CNTN6: variants seen among roughly 807,000 people sequenced by gnomAD.
CNTN6 encodes contactin-6.
Under a neutral mutation model 122.8 loss-of-function variants are expected in CNTN6, and 137 were observed. The observed-to-expected ratio is 1.12, with a 90% CI of 0.97 to 1.29. The LOEUF (loss-of-function observed/expected upper bound fraction) is 1.29. Ranked by LOEUF, CNTN6 falls within the 50% of genes most tolerant of loss-of-function variation. The probability of loss-of-function intolerance (pLI) is 0.00; values close to 1 mark genes in which losing one functional copy is unlikely to be tolerated. For missense variants in CNTN6, 1,634 were observed against 1,223.4 expected, an observed-to-expected ratio of 1.34 and a Z score of -5.01; for synonymous variants, 570 against 426.0, an observed-to-expected ratio of 1.34 and a Z score of -4.16.
intron 2 of CNTN6, among the ~76,000 whole-genome samples, chr3:1,219,268 T>G (rs1263713875): frequency 2.0e-5 from 3 of 152,130 alleles, no homozygotes; most frequent in African/African-American, 7.2e-5. Context: ...TCAAGAGCAA[T>G]GGGACAGATA....
chr3:1,204,170 G>A (rs2093925196), intron 2 of CNTN6, among the ~76,000 whole-genome samples: 1 of 152,088 alleles, frequency 6.6e-6, no homozygotes, highest in Non-Finnish European at 1.5e-5. Context: ...TATAGAGAGA[G>A]CCAATGACAT....
chr3:1,385,542 T>C (rs1692748585), intron 19 of CNTN6, 69 bp from the exon 20 acceptor site: 3 of 1,268,438 alleles, frequency 2.4e-6, no homozygotes, highest in South Asian at 2.9e-5. Context: ...TGGTTGATAG[T>C]TGTTGGTAAA....
In CNTN6 at chr3:1,402,053, C is replaced by T. The variant is rs116336238; in HGVS notation, c.2818-265C>T. Among the ~76,000 whole-genome samples the T allele has an allele frequency of 6.6e-3, 1,002 of 151,916 alleles. 10 individuals carry two copies. The highest frequency in any genetic ancestry group is 0.023 in the African/African-American group (955 of 41,442). The stretch of plus-strand genomic sequence containing the variant: ...CAAACTCAACAGTGACTTTCCACAG[C>T]AAGCTCCAATGATAATAGCCTCAAG... On this transcript the variant is annotated intron_variant, in intron 21 of 22. Coordinates refer to ENST00000446702, the MANE Select transcript of CNTN6 (RefSeq NM_001289080.2).
chr3:1,377,188 G>A (rs1476289042), intron 17 of CNTN6, 113 bp downstream of exon 17: 1 of 650,810 alleles, frequency 1.5e-6, no homozygotes, highest in South Asian at 2.6e-5. Context: ...AAAAAATATG[G>A]TATAAAAATA....
At chr3:1,232,782 T>A (rs921445952) in intron 4 of CNTN6, among the ~76,000 whole-genome samples, 1 of 152,130 alleles carries the variant, frequency 6.6e-6, no homozygotes, top group African/African-American at 2.4e-5. Flanking sequence ...AAGTGAGAAG[T>A]AGTGAAGTTT....
chr3:1,158,217 A>G (rs2093021047), intron 2 of CNTN6, among the ~76,000 whole-genome samples: 1 of 152,174 alleles, frequency 6.6e-6, no homozygotes, highest in African/African-American at 2.4e-5. Flanking sequence ...TTTTGGATAT[A>G]AGCCATTTCA....
intron 7 of CNTN6, among the ~76,000 whole-genome samples, chr3:1,318,274 A>C (rs1022076953): frequency 6.6e-6 from 1 of 150,944 alleles, no homozygotes; most frequent in African/African-American, 2.4e-5. Flanking sequence ...AGTTCTCAAC[A>C]TATGTTCACA....
intron 11 of CNTN6, among the ~76,000 whole-genome samples, chr3:1,340,118 C>T (rs1460891934): frequency 1.3e-5 from 2 of 151,958 alleles, no homozygotes; most frequent in African/African-American, 2.4e-5. Flanking sequence ...AGCATCATAC[C>T]GCGATCAGTA....
intron 4 of CNTN6, among the ~76,000 whole-genome samples, chr3:1,255,399 G>A (rs896955763): frequency 3.4e-5 from 5 of 145,898 alleles, no homozygotes; most frequent in East Asian, 2.1e-4. Flanking sequence ...AAGGGGCTAC[G>A]TAAGACATTT....
In CNTN6 at chr3:1,264,944, T is replaced by A. The variant is rs749959252; in HGVS notation, c.359-13469T>A. Among the ~76,000 whole-genome samples the A allele has an allele frequency of 6.2e-4, 94 of 152,032 alleles. 1 individual carries two copies. The highest frequency in any genetic ancestry group is 3.9e-4 in the Admixed American group (6 of 15,246). On this transcript the variant is annotated intron_variant, in intron 4 of 22. Transcript: ENST00000446702. ...AATTTAACTTTTTTGATTCCTTGTATGAGTGAGATCATTTGGTATTTGTCA... is the reference window on the plus strand; with the variant it reads ...AATTTAACTTTTTTGATTCCTTGTAAGAGTGAGATCATTTGGTATTTGTCA...
chr3:1,097,899 A>G (rs1454213072), intron 1 of CNTN6, among the ~76,000 whole-genome samples: 1 of 152,180 alleles, frequency 6.6e-6, no homozygotes, highest in African/African-American at 2.4e-5. Context: ...ATTATCATCT[A>G]ATCAATTGTA....
At chr3:1,389,355 C>T (rs1231614211) in intron 20 of CNTN6, among the ~76,000 whole-genome samples, 1 of 151,932 alleles carries the variant, frequency 6.6e-6, no homozygotes, top group Non-Finnish European at 1.5e-5. Flanking sequence ...TACAGACAAG[C>T]AAATGCTGAG....
intron 19 of CNTN6, among the ~76,000 whole-genome samples, chr3:1,384,746 T>C (rs1368047404): frequency 8.3e-6 from 1 of 121,008 alleles, no homozygotes; most frequent in Non-Finnish European, 1.8e-5. Flanking sequence ...TATACATATA[T>C]ACACATATAT....
intron 1 of CNTN6, among the ~76,000 whole-genome samples, chr3:1,103,933 A>G (rs1007056903): frequency 1.5e-4 from 23 of 152,108 alleles, no homozygotes; most frequent in African/African-American, 5.6e-4. Context: ...CAAAAATTCT[A>G]GTTAATTCTG....
chr3:1,240,705 C>CT (rs1456508593), intron 4 of CNTN6, among the ~76,000 whole-genome samples: 5 of 135,076 alleles, frequency 3.7e-5, no homozygotes, highest in East Asian at 2.0e-4. Context: ...AGTTATTATA[C>CT]TAAAAAAAAA....
intron 20 of CNTN6, chr3:1,394,560 C>G (rs957233639): frequency 4.6e-5 from 7 of 152,388 alleles, no homozygotes; most frequent in Admixed American, 3.9e-4. Flanking sequence ...ACCCAGGTGT[C>G]TTTGAAGTCG....
intron 4 of CNTN6, among the ~76,000 whole-genome samples, chr3:1,274,339 A>G (rs1691925852): frequency 6.6e-6 from 1 of 152,166 alleles, no homozygotes; most frequent in African/African-American, 2.4e-5. Flanking sequence ...AAGGAAGCAT[A>G]TTTGATGTAA....
At chr3:1,231,552 A>G (rs1003940117) in intron 4 of CNTN6, among the ~76,000 whole-genome samples, 1 of 152,226 alleles carries the variant, frequency 6.6e-6, no homozygotes, top group Non-Finnish European at 1.5e-5. Context: ...ACTCTGCTTC[A>G]TTATGAATCG....
chr3:1,237,091 A>G (rs1288569751), intron 4 of CNTN6, among the ~76,000 whole-genome samples: 1 of 152,094 alleles, frequency 6.6e-6, no homozygotes, highest in African/African-American at 2.4e-5. Flanking sequence ...AAAAAGAAAA[A>G]AAAAGAAGCC....
Sources: allele counts gnomAD v4.1 joint callset (sites outside exome capture counted in the v4.1 genomes callset), GRCh38; gene constraint gnomAD v4.1.1; transcripts MANE v1.5; gene names NCBI Gene and HGNC (gene_info 2026-07-23, HGNC 2026-07-21).